Variants in TTN observed in about 807,000 individuals in gnomAD.
TTN encodes titin.
In TTN, 1,525 loss-of-function variants were observed where a neutral mutation model predicts 3,223.0. The ratio of observed to expected loss-of-function variants is 0.47; its 90% CI spans 0.45 to 0.49. The LOEUF (loss-of-function observed/expected upper bound fraction) is 0.49. Among genes scored for constraint, TTN ranks in the 20% least tolerant of loss-of-function variants. The pLI, the probability that TTN is intolerant of heterozygous loss-of-function variation, is 0.00. For missense variants in TTN, 40,786 were observed against 43,424.0 expected, an observed-to-expected ratio of 0.94 and a Z score of 5.40; for synonymous variants, 14,094 against 15,161.0, an observed-to-expected ratio of 0.93 and a Z score of 5.17.
Position 178,530,826 on chromosome 2 carries a change from G to A in TTN, c.105789C>T (p.Ala35263=), listed in dbSNP as rs2154133031. The A allele has an allele frequency of 6.2e-7, 1 of 1,613,820 alleles. No homozygotes were observed. Among genetic ancestry groups the A allele is most frequent in the Non-Finnish European group, 8.5e-7 (1 of 1,179,874 alleles). The change falls in exon 358 of 363, where the codon GCC becomes GCT. Residue 35263 remains alanine (A), a synonymous_variant. Coordinates refer to ENST00000589042, the MANE Select transcript of TTN (RefSeq NM_001267550.2). ...TTGGTTTTGTCTCTGTGGGTGATAC[G>A]GCTTTCGGGTGAGAAGGTTCTGGAG... ...VKSPEPSHPK[A]VSPTETKPTP...
Position 178,598,611 on chromosome 2 carries a change from T to C in TTN, c.57006A>G (p.Lys19002=), listed in dbSNP as rs748243242. ...GAGACCACTCCAGATCTGCAGATGA[T>C]TTAGTCCAATCTGTCACTTTGGGAA... ...PPFPKVTDWT[K]SSADLEWSPP... Residue 19002 remains lysine, a synonymous_variant, in exon 292 of 363, where the codon AAA becomes AAG. Coordinates refer to ENST00000589042, the MANE Select transcript of TTN (RefSeq NM_001267550.2). 3.1e-6 allele frequency: 5 copies of C among 1,608,234 alleles called. No homozygotes were observed. In the South Asian group the frequency reaches 5.6e-5, roughly 18 times the overall value.
Position 178,541,454 on chromosome 2 carries a change from C to T in TTN, c.97623G>A (p.Val32541=), listed in dbSNP as rs1060503961. ...TTACACGGACCCATCGATCTGCTCT[C>T]ACTTCTTTGCGCTCCACAATATATC... ...VTGYIVERKE[V]RADRWVRVNK... The change falls in exon 350 of 363, where the codon GTG becomes GTA. Residue 32541 remains valine (V), a synonymous_variant. Coordinates refer to ENST00000589042, the MANE Select transcript of TTN (RefSeq NM_001267550.2). 6.2e-7 allele frequency: 1 copy of T among 1,613,402 alleles called. No individual in the cohort carries two copies. The highest frequency in any genetic ancestry group is 2.2e-5 in the East Asian group (1 of 44,846).
chr2:178,562,207 C>A lies in TTN; in HGVS notation c.83925G>T (p.Lys27975Asn). 6.2e-7 allele frequency: 1 copy of A among 1,612,650 alleles called. No homozygotes were observed. Among genetic ancestry groups the A allele is most frequent in the Non-Finnish European group, 8.5e-7 (1 of 1,179,398 alleles). The change falls in exon 326 of 363, where the codon AAG (lysine) becomes AAT (asparagine). Residue 27975 changes from lysine (K) to asparagine (N), a missense_variant. Lys to Asn is a moderately conservative substitution (Grantham distance 94). Coordinates refer to ENST00000589042, the MANE Select transcript of TTN (RefSeq NM_001267550.2). ...VELPFHTFNV[K>N]AREQLKIDVP... Reference sequence around the variant, plus strand: ...CATCAATCTTAAGTTGTTCTCTAGCCTTTACATTGAAAGTATGGAAAGGAA... The same window carrying A: ...CATCAATCTTAAGTTGTTCTCTAGCATTTACATTGAAAGTATGGAAAGGAA...
At chr2:178,688,038 T>C in intron 127 of TTN, 73 bp downstream of exon 127, 1 of 1,249,842 alleles carries the variant, frequency 8.0e-7, no homozygotes, top group African/African-American at 1.5e-5. Context: ...TTTTCATTGG[T>C]CTGTAGACAA....
In TTN at chr2:178,704,607, T is replaced by C. The variant is rs1449359699; in HGVS notation, c.29865A>G (p.Arg9955=). The C allele has an allele frequency of 1.2e-6, 2 of 1,612,756 alleles. No homozygotes were observed. The highest frequency in any genetic ancestry group is 2.7e-5 in the African/African-American group (2 of 74,944). The part of the protein sequence containing the change: ...DKFEISIDGD[R]HTLRVKNCQL... The stretch of plus-strand genomic sequence containing the variant: ...GACAGTTTTTGACTCTGAGTGTATG[T>C]CGGTCACCATCAATGCTTATTTCAA... The change falls in exon 105 of 363, where the codon CGA becomes CGG. Residue 9955 remains arginine, a synonymous_variant. Transcript: ENST00000589042.
At position 178,593,446 on chromosome 2, in the gene TTN, C is replaced by T. The variant is rs2050676034; in HGVS notation, c.58762G>A (p.Val19588Ile). 1 of 1,612,666 alleles carries T rather than the reference C, an allele frequency of 6.2e-7. No homozygotes were observed. The highest frequency in any genetic ancestry group is 8.5e-7 in the Non-Finnish European group (1 of 1,179,514). The change falls in exon 299 of 363, where the codon GTT becomes ATT. Residue 19588 changes from valine (V) to isoleucine (I), a missense_variant. Val to Ile is a conservative substitution (Grantham distance 29). Coordinates refer to ENST00000589042, the MANE Select transcript of TTN (RefSeq NM_001267550.2). ...RVPDAPDQPI[V>I]TEVTKDSALV... is the part of the protein sequence containing the mutation. ...GCAGAGTCTTTGGTAACTTCTGTAA[C>T]AATTGGCTGATCAGGTGCATCAGGA...
intron 320 of TTN, 31 bp from the exon 321 acceptor site, chr2:178,578,746 A>C: frequency 6.2e-7 from 1 of 1,604,062 alleles, no homozygotes; most frequent in Non-Finnish European, 8.5e-7. Context: ...CAAGATTTAT[A>C]ATAAGAAGCC....
intron 78 of TTN, 40 bp from the exon 79 acceptor site, chr2:178,721,242 T>C (rs761409412): frequency 6.8e-7 from 1 of 1,472,280 alleles, no homozygotes; most frequent in South Asian, 1.5e-5. Flanking sequence ...GGATATTTAT[T>C]ATACATGTTA....
rs765426928 is a variant in TTN, at chr2:178,773,917, C to T, written c.7251G>A (p.Met2417Ile). 6.2e-7 allele frequency: 1 copy of T among 1,614,094 alleles called. No homozygotes were observed. The highest frequency in any genetic ancestry group is 1.1e-5 in the South Asian group (1 of 91,078). Reference protein sequence around the residue: ...KQSHMLLIEDMTKEDAGNYSF... With the variant: ...KQSHMLLIEDITKEDAGNYSF... ...AGTAATTTCCAGCATCTTCCTTAGT[C>T]ATGTCTTCAATGAGCAGCATATGAG... The change falls in exon 31 of 363, where the codon ATG becomes ATA. Residue 2417 changes from methionine (M) to isoleucine (I), a missense_variant. By Grantham distance (10) the Met-to-Ile change is conservative (BLOSUM62 1). Coordinates refer to ENST00000589042, the MANE Select transcript of TTN (RefSeq NM_001267550.2).
In TTN at chr2:178,678,158, C is replaced by T. The variant is rs878854298; in HGVS notation, c.33961G>A (p.Val11321Ile). ...GGTGGTGCTTCCACTTTTTTCGGAA[C>T]AGGTGTTGGTTTCTTTTCTTCTGGG... is the stretch of plus-strand genomic sequence containing the variant. ...LIPEEKKPTPVPKKVEAPPPK... is the reference protein window; with the variant it reads ...LIPEEKKPTPIPKKVEAPPPK... Residue 11321 changes from valine (V) to isoleucine (I), a missense_variant, in exon 145 of 363, where the codon GTT (valine) becomes ATT (isoleucine). Val to Ile is a conservative substitution (Grantham distance 29). Coordinates refer to ENST00000589042, the MANE Select transcript of TTN (RefSeq NM_001267550.2). 6.2e-7 allele frequency: 1 copy of T among 1,611,196 alleles called. No homozygotes were observed. The highest frequency in any genetic ancestry group is 8.5e-7 in the Non-Finnish European group (1 of 1,178,912).
At chr2:178,789,637 T>C in intron 12 of TTN, 140 bp from the exon 13 acceptor site, 1 of 1,173,192 alleles carries the variant, frequency 8.5e-7, no homozygotes, top group Middle Eastern at 1.9e-4. Context: ...TCACCGGCAA[T>C]GTCTACATAT....
chr2:178,600,838 G>A lies in TTN; in HGVS notation c.56050+16C>T, dbSNP rs1267281960. Reference sequence around the variant, plus strand: ...GCTGTAAGGAGGACATTCTTTGTCAGTACATTGGTACTTACATGTCTGGTC... The same window carrying A: ...GCTGTAAGGAGGACATTCTTTGTCAATACATTGGTACTTACATGTCTGGTC... On this transcript the variant is annotated intron_variant, in intron 288 of 362. Coordinates refer to ENST00000589042, the MANE Select transcript of TTN (RefSeq NM_001267550.2). 6.2e-7 allele frequency: 1 copy of A among 1,612,582 alleles called. No individual in the cohort carries two copies. The highest frequency in any genetic ancestry group is 1.7e-4 in the Middle Eastern group (1 of 6,042).
At chr2:178,682,043 G>A (rs1180882805) in intron 135 of TTN, among the ~76,000 whole-genome samples, 1 of 151,892 alleles carries the variant, frequency 6.6e-6, no homozygotes, top group Non-Finnish European at 1.5e-5. Flanking sequence ...TATGTAGAAT[G>A]TTCTCAAAGT....
rs750264660 is a variant in TTN, at chr2:178,581,764, T to C, written c.66504A>G (p.Thr22168=). ...GPPAFPKVYD[T]TRSSVSLSWG... ...AAGATAGACTCACAGAGCTGCGAGT[T>C]GTATCATATACTTTAGGGAAAGCCG... The change falls in exon 316 of 363, where the codon ACA becomes ACG. Residue 22168 remains threonine, a synonymous_variant. Coordinates refer to ENST00000589042, the MANE Select transcript of TTN (RefSeq NM_001267550.2). 1 of 1,605,408 alleles carries C rather than the reference T, an allele frequency of 6.2e-7. No homozygotes were observed. Among genetic ancestry groups the C allele is most frequent in the African/African-American group, 1.3e-5 (1 of 74,816 alleles).
intron 37 of TTN, 124 bp from the exon 38 acceptor site, chr2:178,769,057 A>G: frequency 8.9e-7 from 1 of 1,119,864 alleles, no homozygotes. Context: ...TACAGTTTAG[A>G]GATATAAGCT....
Position 178,777,429 on chromosome 2 carries a change from T to C in TTN, c.4636A>G (p.Thr1546Ala). ...AGRSSISVILTVEAVEHQVKP... is the reference protein window; with the variant it reads ...AGRSSISVILAVEAVEHQVKP... ...TTTTATCTCATTTTACCTTCCACAG[T>C]TAAAATCACTGAAATTGAAGATCTG... Residue 1546 changes from threonine to alanine, a missense_variant, in exon 26 of 363, where the codon ACT becomes GCT. By Grantham distance (58) the Thr-to-Ala change is moderately conservative (BLOSUM62 0). Transcript: ENST00000589042. The C allele has an allele frequency of 6.2e-7, 1 of 1,613,744 alleles. No individual in the cohort carries two copies. The highest frequency in any genetic ancestry group is 8.5e-7 in the Non-Finnish European group (1 of 1,179,862).
In TTN at chr2:178,746,630, G is replaced by T. The variant is rs141674357; in HGVS notation, c.11312-4709C>A. 1.5e-5 allele frequency: 25 copies of T among 1,613,110 alleles called. No homozygotes were observed. Among genetic ancestry groups the T allele is most frequent in the Middle Eastern group, 1.6e-4 (1 of 6,078 alleles). ...CTTTGCTTCCCCTATGATGTTTACA[G>T]CATGACACATGTACTCTCCCCCTTC... On this transcript the variant is annotated intron_variant, in intron 47 of 362. Coordinates refer to ENST00000589042, the MANE Select transcript of TTN (RefSeq NM_001267550.2).
At position 178,560,159 on chromosome 2, in the gene TTN, G is replaced by A. The variant is rs1703118451; in HGVS notation, c.85973C>T (p.Pro28658Leu). The change falls in exon 326 of 363, where the codon CCC (proline) becomes CTC (leucine). Residue 28658 changes from proline (P) to leucine (L), a missense_variant. Physicochemically the swap from Pro to Leu is moderately conservative, Grantham distance 98 (BLOSUM62 -3). Coordinates refer to ENST00000589042, the MANE Select transcript of TTN (RefSeq NM_001267550.2). ...PVFLPSPPSK[P>L]KIVDSGKTTI... is the part of the protein sequence containing the mutation. ...TGTCTTGCCTGAGTCCACAATTTTG[G>A]GTTTGGATGGAGGAGATGGTAGGAA... 6.2e-7 allele frequency: 1 copy of A among 1,613,468 alleles called. No homozygotes were observed.
In TTN at chr2:178,570,741, C is replaced by A; in HGVS notation, c.75391G>T (p.Val25131Phe). The A allele has an allele frequency of 1.2e-6, 2 of 1,613,560 alleles. No homozygotes were observed. The highest frequency in any genetic ancestry group is 1.7e-6 in the Non-Finnish European group (2 of 1,179,606). The change falls in exon 326 of 363, where the codon GTT becomes TTT. Residue 25131 changes from valine (V) to phenylalanine (F), a missense_variant. Transcript: ENST00000589042. Reference sequence around the variant, plus strand: ...GGTTTGCCATAAATATCTGCATCAACCTTGAATGATTCACCAGCATGAACC... The same window carrying A: ...GGTTTGCCATAAATATCTGCATCAAACTTGAATGATTCACCAGCATGAACC... The part of the protein sequence containing the change: ...IVVHAGESFK[V>F]DADIYGKPIP...
Sources: allele counts gnomAD v4.1 joint callset (sites outside exome capture counted in the v4.1 genomes callset), GRCh38; gene constraint gnomAD v4.1.1; transcripts MANE v1.5; gene names NCBI Gene and HGNC (gene_info 2026-07-23, HGNC 2026-07-21).